TSHZ1: variants seen among roughly 807,000 people sequenced by gnomAD.
TSHZ1 encodes teashirt zinc finger homeobox 1, also known as teashirt homolog 1.
Under a neutral mutation model 67.1 loss-of-function variants are expected in TSHZ1, and 12 were observed. That is an observed-to-expected ratio of 0.18 (90% CI 0.11 to 0.29). The LOEUF (loss-of-function observed/expected upper bound fraction) is 0.29. TSHZ1 is among the 10% of genes least tolerant of loss of function. The pLI, the probability that TSHZ1 is intolerant of heterozygous loss-of-function variation, is 1.00. For missense variants in TSHZ1, 1,305 were observed against 1,413.9 expected, an observed-to-expected ratio of 0.92 and a Z score of 1.23; for synonymous variants, 632 against 622.4, an observed-to-expected ratio of 1.02 and a Z score of -0.23.
chr18:75,213,290 A>G (rs1464851706), intron 1 of TSHZ1, among the ~76,000 whole-genome samples: 2 of 152,242 alleles, frequency 1.3e-5, no homozygotes, highest in Admixed American at 6.5e-5. Flanking sequence ...TTCACAACAT[A>G]AAAGGAACAG....
intron 1 of TSHZ1, among the ~76,000 whole-genome samples, chr18:75,223,686 C>T (rs1362266434): frequency 6.6e-6 from 1 of 151,952 alleles, no homozygotes; most frequent in African/African-American, 2.4e-5. Flanking sequence ...CATCCTTTTC[C>T]CACCTCCTCA....
At chr18:75,257,191 T>G (rs995261627) in intron 1 of TSHZ1, among the ~76,000 whole-genome samples, 1 of 152,186 alleles carries the variant, frequency 6.6e-6, no homozygotes, top group Non-Finnish European at 1.5e-5. Context: ...TGAACTAACC[T>G]CCTTCATTGA....
Position 75,286,697 on chromosome 18 carries a change from G to A in TSHZ1, c.1290G>A (p.Gln430=). ...GCAGCTCCCACGACACGCTGCAGCA[G>A]CTCACCGCCCACATGATGGTCACCG... ...ECGSSHDTLQ[Q]LTAHMMVTGH... is the part of the protein sequence containing the mutation. Residue 430 remains glutamine (Q), a synonymous_variant, in exon 2 of 2, where the codon CAG becomes CAA. Transcript: ENST00000580243. The surrounding 1 kb of genome is among the most constrained non-coding windows in gnomAD (Gnocchi z 5.1). 1 of 1,614,064 alleles carries A rather than the reference G, an allele frequency of 6.2e-7. No homozygotes were observed. Among genetic ancestry groups the A allele is most frequent in the South Asian group, 1.1e-5 (1 of 91,082 alleles).
intron 1 of TSHZ1, among the ~76,000 whole-genome samples, chr18:75,235,035 C>G (rs796217904): frequency 8.5e-5 from 13 of 152,072 alleles, no homozygotes; most frequent in African/African-American, 3.1e-4. Context: ...ACCCCAGCCC[C>G]CAGGGTTCCT....
chr18:75,237,791 CA>C (rs2023095364), intron 1 of TSHZ1, among the ~76,000 whole-genome samples: 15 of 143,570 alleles, frequency 1.0e-4, no homozygotes, highest in East Asian at 4.0e-4. Flanking sequence ...TTCTTTCTTT[CA>C]TTTATTTATT....
intron 1 of TSHZ1, chr18:75,283,041 C>T (rs188007565): frequency 1.3e-5 from 2 of 152,446 alleles, no homozygotes; most frequent in African/African-American, 2.4e-5. Flanking sequence ...TGACGAAAGC[C>T]GTGAGGCCGT....
At chr18:75,237,791 C>CTTTCATTTATTTATTTATTT (rs150217532) in intron 1 of TSHZ1, among the ~76,000 whole-genome samples, 9 of 143,570 alleles carry the variant, frequency 6.3e-5, no homozygotes, top group African/African-American at 1.9e-4. Flanking sequence ...TTCTTTCTTT[C>CTTTCATTTATTTATTTATTT]ATTTATTTAT....
chr18:75,223,548 T>G (rs943290965), intron 1 of TSHZ1, among the ~76,000 whole-genome samples: 13 of 152,062 alleles, frequency 8.5e-5, no homozygotes, highest in African/African-American at 2.4e-4. Flanking sequence ...GTTGCTTTCC[T>G]GGCCTGTCTT....
intron 1 of TSHZ1, among the ~76,000 whole-genome samples, chr18:75,255,526 A>G (rs1193923968): frequency 9.4e-6 from 1 of 106,314 alleles, no homozygotes; most frequent in African/African-American, 3.3e-5. Flanking sequence ...CGCATTAAAA[A>G]CTGTAACTCT....
intron 1 of TSHZ1, chr18:75,280,858 G>A: frequency 1.3e-5 from 13 of 978,920 alleles, no homozygotes; most frequent in Non-Finnish European, 1.6e-5. Context: ...TTCCGTGAGG[G>A]GATTGAGAGG....
chr18:75,287,619 C>A lies in TSHZ1; in HGVS notation c.2212C>A (p.Pro738Thr). The change falls in exon 2 of 2, where the codon CCG becomes ACG. Residue 738 changes from proline (P) to threonine (T), a missense_variant. Coordinates refer to ENST00000580243, the MANE Select transcript of TSHZ1 (RefSeq NM_001308210.2). This position sits in a 1 kb window ranked among gnomAD's most constrained non-coding sequence, Gnocchi z 5.0. The part of the protein sequence containing the change: ...NNLGIIMDHS[P>T]EPSFINPLSA... ...CCTGGGGATCATCATGGACCACTCA[C>A]CGGAGCCTTCCTTCATCAACCCGCT... 7 of 1,614,176 alleles carry A rather than the reference C, an allele frequency of 4.3e-6. No individual in the cohort carries two copies. Among genetic ancestry groups the A allele is most frequent in the Non-Finnish European group, 5.9e-6 (7 of 1,180,044 alleles).
chr18:75,276,720 A>G (rs1016624258), intron 1 of TSHZ1, among the ~76,000 whole-genome samples: 12 of 152,254 alleles, frequency 7.9e-5, no homozygotes, highest in Non-Finnish European at 1.5e-4. Flanking sequence ...CCAGTCTGCA[A>G]AATAGTTTGA....
rs556662298 is a variant in TSHZ1, at chr18:75,272,462, CT to C, written c.41-12984del. Among the ~76,000 whole-genome samples the C allele has an allele frequency of 9.2e-5, 14 of 152,310 alleles. No individual in the cohort carries two copies. In the East Asian group the frequency reaches 2.5e-3, roughly 27 times the overall value. On this transcript the variant is annotated intron_variant, in intron 1 of 1. Transcript: ENST00000580243. The stretch of plus-strand genomic sequence containing the variant: ...TAGATTTCTTAGGACTCTGCTAAAA[CT>C]TAAAGGGAGGAAGGAGAACTGGTAT...
chr18:75,215,091 C>T (rs1290472198), intron 1 of TSHZ1, among the ~76,000 whole-genome samples: 2 of 152,014 alleles, frequency 1.3e-5, no homozygotes, highest in Non-Finnish European at 2.9e-5. Context: ...GACAGAAAAC[C>T]AACCACTCAG....
chr18:75,255,339 C>A (rs975529018), intron 1 of TSHZ1, among the ~76,000 whole-genome samples: 3 of 152,090 alleles, frequency 2.0e-5, no homozygotes, highest in Non-Finnish European at 4.4e-5. Flanking sequence ...CCTGGTAGAG[C>A]TGTAGGAAAT....
chr18:75,250,640 C>T (rs559542745), intron 1 of TSHZ1, among the ~76,000 whole-genome samples: 1 of 152,226 alleles, frequency 6.6e-6, no homozygotes, highest in Non-Finnish European at 1.5e-5. Flanking sequence ...AGCCCGGGAA[C>T]GGCCTTGGCC....
chr18:75,244,789 T>C (rs1029617668), intron 1 of TSHZ1, among the ~76,000 whole-genome samples: 4 of 152,252 alleles, frequency 2.6e-5, no homozygotes, highest in African/African-American at 9.6e-5. Context: ...CTCCCTGTTA[T>C]GACTTGAGAC....
rs997870682 is a variant in TSHZ1 at position 75,286,674 on chromosome 18, A to G, written c.1267A>G (p.Ser423Gly). Reference protein sequence around the residue: ...AQILKCMECGSSHDTLQQLTA... With the variant: ...AQILKCMECGGSHDTLQQLTA... The stretch of plus-strand genomic sequence containing the variant: ...GATCCTCAAGTGCATGGAGTGTGGC[A>G]GCTCCCACGACACGCTGCAGCAGCT... Residue 423 changes from serine (S) to glycine (G), a missense_variant, in exon 2 of 2, where the codon AGC becomes GGC. Ser to Gly is a moderately conservative substitution (Grantham distance 56). Around this residue, in one of 3 missense-constraint regions of TSHZ1, gnomAD observed 909 missense variants for 961.8 expected, o/e 0.95. Transcript: ENST00000580243. The surrounding 1 kb of genome is among the most constrained non-coding windows in gnomAD (Gnocchi z 5.1). The G allele has an allele frequency of 1.9e-6, 3 of 1,614,012 alleles. No individual in the cohort carries two copies. The African/African-American group carries it at 4.0e-5, about 22-fold the overall frequency.
chr18:75,264,064 CTT>C (rs1339285053), intron 1 of TSHZ1, among the ~76,000 whole-genome samples: 3 of 152,158 alleles, frequency 2.0e-5, no homozygotes, highest in Non-Finnish European at 4.4e-5. Flanking sequence ...TGTTTTTTCT[CTT>C]TGCTATAAAT....
Sources: allele counts gnomAD v4.1 joint callset (sites outside exome capture counted in the v4.1 genomes callset), GRCh38; gene constraint gnomAD v4.1.1; regional missense constraint gnomAD v4.1.1; non-coding constraint Gnocchi (gnomAD v3.1); transcripts MANE v1.5; gene names NCBI Gene and HGNC (gene_info 2026-07-23, HGNC 2026-07-21).